The following L2HGDH variants were observed in gnomAD, a reference collection of about 807,000 sequenced individuals.
L2HGDH encodes the protein L-2-hydroxyglutarate dehydrogenase.
L2HGDH carries 34 observed loss-of-function variants against 51.5 expected under a neutral mutation model. That is an observed-to-expected ratio of 0.66 (90% CI 0.50 to 0.88). The LOEUF is 0.88. L2HGDH is among the 40% of genes least tolerant of loss of function. The probability of loss-of-function intolerance (pLI) is 0.00; values close to 1 mark genes in which losing one functional copy is unlikely to be tolerated. For missense variants in L2HGDH, 558 were observed against 571.9 expected, an observed-to-expected ratio of 0.98 and a Z score of 0.25; for synonymous variants, 198 against 197.9, an observed-to-expected ratio of 1.00 and a Z score of -0.01.
intron 6 of L2HGDH, among the ~76,000 whole-genome samples, chr14:50,278,087 C>T (rs1000446339): frequency 6.6e-6 from 1 of 152,150 alleles, no homozygotes; most frequent in African/African-American, 2.4e-5. Flanking sequence ...TGCAGCGAAC[C>T]TACAGGGAAT....
At chr14:50,265,137 G>C (rs1366160368) in intron 9 of L2HGDH, among the ~76,000 whole-genome samples, 1 of 152,170 alleles carries the variant, frequency 6.6e-6, no homozygotes, top group Admixed American at 6.5e-5. Context: ...AGGCAGTCTA[G>C]ATAATTATAA....
In L2HGDH at chr14:50,245,673, T is replaced by C. The variant is rs866041574; in HGVS notation, c.*1385A>G. 9.3e-5 allele frequency: 92 copies of C among 984,358 alleles called. No homozygotes were observed. Among genetic ancestry groups the C allele is most frequent in the Middle Eastern group, 5.2e-4 (1 of 1,914 alleles). The allele number at this position is 984,358 out of a possible 1,614,324, so 61.0% of individuals were successfully genotyped here. On this transcript the variant is annotated 3_prime_UTR_variant, in exon 10 of 10. Transcript: ENST00000267436. ...GAATGTAACCTACAATATAATGTAT[T>C]TTCTTGTCTATGAGAGACCAAACGA... is the stretch of plus-strand genomic sequence containing the variant.
At chr14:50,310,389 C>T (rs1057122971) in intron 1 of L2HGDH, among the ~76,000 whole-genome samples, 1 of 151,986 alleles carries the variant, frequency 6.6e-6, no homozygotes, top group Non-Finnish European at 1.5e-5. Context: ...TTTGCAATTT[C>T]CAATGGATCT....
intron 6 of L2HGDH, among the ~76,000 whole-genome samples, chr14:50,270,617 C>A (rs112587872): frequency 3.3e-5 from 5 of 152,268 alleles, no homozygotes; most frequent in African/African-American, 1.2e-4. Context: ...CGCCATTCTC[C>A]TGCCTCAGCC....
intron 5 of L2HGDH, chr14:50,282,572 T>C: frequency 2.2e-6 from 1 of 454,986 alleles, no homozygotes; most frequent in Non-Finnish European, 4.4e-6. Flanking sequence ...AGGTACAGTC[T>C]ATGAGTTGAA....
chr14:50,255,986 G>A (rs1396106145), intron 9 of L2HGDH, among the ~76,000 whole-genome samples: 1 of 152,032 alleles, frequency 6.6e-6, no homozygotes, highest in African/African-American at 2.4e-5. Flanking sequence ...CTGGGTGACA[G>A]AGTGAGACTC....
intron 6 of L2HGDH, among the ~76,000 whole-genome samples, chr14:50,275,255 T>C (rs1595099220): frequency 6.6e-6 from 1 of 152,124 alleles, no homozygotes; most frequent in South Asian, 2.1e-4. Context: ...AGGATGGAGG[T>C]GATCAGCGAC....
intron 4 of L2HGDH, among the ~76,000 whole-genome samples, chr14:50,292,063 C>G (rs1890913663): frequency 6.6e-6 from 1 of 152,002 alleles, no homozygotes; most frequent in Non-Finnish European, 1.5e-5. Context: ...ATGAGAGTAT[C>G]AGAAAACATC....
In L2HGDH at chr14:50,278,505, C is replaced by T. The variant is rs73275195; in HGVS notation, c.738+15G>A. On this transcript the variant is annotated intron_variant, in intron 6 of 9. Transcript: ENST00000267436. ...GGAAAGAAAGTAGCCAGCAGTTTTG[C>T]TTAAGAATCTTTACCTTTGTATTCT... is the stretch of plus-strand genomic sequence containing the variant. 1.4e-3 allele frequency: 2,089 copies of T among 1,468,972 alleles called. 27 individuals carry two copies. In the African/African-American group the frequency reaches 0.024, roughly 17 times the overall value. 91.0% of individuals were successfully genotyped at this position (1,468,972 alleles called of 1,614,324 possible).
intron 4 of L2HGDH, among the ~76,000 whole-genome samples, chr14:50,293,549 A>G (rs376918258): frequency 1.3e-5 from 2 of 152,194 alleles, no homozygotes; most frequent in Non-Finnish European, 2.9e-5. Context: ...ATATGCATAA[A>G]TTGATAACAT....
At chr14:50,273,627 A>C (rs1161324571) in intron 6 of L2HGDH, among the ~76,000 whole-genome samples, 1 of 152,200 alleles carries the variant, frequency 6.6e-6, no homozygotes, top group Non-Finnish European at 1.5e-5. Context: ...ATATCAAACT[A>C]AAAAGCTTCT....
chr14:50,306,337 C>T (rs747415582), intron 1 of L2HGDH, among the ~76,000 whole-genome samples: 1 of 152,134 alleles, frequency 6.6e-6, no homozygotes. Context: ...GTGTGAACCA[C>T]CGTGCCCAGC....
Position 50,267,807 on chromosome 14 carries a change from C to A in L2HGDH, c.1010G>T (p.Gly337Val), listed in dbSNP as rs1007501381. 3 of 1,613,372 alleles carry A rather than the reference C, an allele frequency of 1.9e-6. No individual in the cohort carries two copies. The highest frequency in any genetic ancestry group is 2.2e-5 in the East Asian group (1 of 44,894). The change falls in exon 8 of 10, where the codon GGT (glycine) becomes GTT (valine). Residue 337 changes from glycine to valine, a missense_variant. Physicochemically the swap from Gly to Val is moderately radical, Grantham distance 109 (BLOSUM62 -3). Transcript: ENST00000267436. ...PNAVLAFKRE[G>V]YRPFDFSATD... ...GGCACTGAAGTCAAAGGGTCTGTAA[C>A]CCTCTCGTTTAAAGGCAAGAACTGC...
At chr14:50,309,974 C>A (rs565133522) in intron 1 of L2HGDH, among the ~76,000 whole-genome samples, 1 of 151,958 alleles carries the variant, frequency 6.6e-6, no homozygotes, top group African/African-American at 2.4e-5. Context: ...AGATTATAGG[C>A]ATGAGCCAGC....
At chr14:50,299,613 G>T (rs960031854) in intron 3 of L2HGDH, among the ~76,000 whole-genome samples, 6 of 152,108 alleles carry the variant, frequency 3.9e-5, no homozygotes. Context: ...ACATTAAAAA[G>T]ATCATTCATC....
chr14:50,270,618 T>C (rs1056658462), intron 6 of L2HGDH, among the ~76,000 whole-genome samples: 2 of 152,152 alleles, frequency 1.3e-5, no homozygotes, highest in Non-Finnish European at 1.5e-5. Context: ...GCCATTCTCC[T>C]GCCTCAGCCT....
chr14:50,303,914 C>G (rs1281973375), intron 1 of L2HGDH, among the ~76,000 whole-genome samples: 1 of 150,796 alleles, frequency 6.6e-6, no homozygotes, highest in Non-Finnish European at 1.5e-5. Context: ...CCAATCTGCT[C>G]TTTATCTCCA....
intron 9 of L2HGDH, among the ~76,000 whole-genome samples, chr14:50,257,339 C>G (rs1888727550): frequency 6.6e-6 from 1 of 151,924 alleles, no homozygotes; most frequent in Non-Finnish European, 1.5e-5. Context: ...GTCTAACCAG[C>G]TGTCTAACCT....
rs1270201356 is a variant in L2HGDH at position 50,244,059 on chromosome 14, C to T, written c.*2999G>A. On this transcript the variant is annotated 3_prime_UTR_variant, in exon 10 of 10. Coordinates refer to ENST00000267436, the MANE Select transcript of L2HGDH (RefSeq NM_024884.3). ...AGTATTCCATGGTGTATATGTGCCA[C>T]ATTTTCTTAATCCAGTCTATCGTTG... The T allele has an allele frequency of 2.6e-5, 4 of 151,874 alleles. No individual in the cohort carries two copies. The highest frequency in any genetic ancestry group is 2.1e-4 in the South Asian group (1 of 4,804). 9.4% of individuals were successfully genotyped at this position (151,874 alleles called of 1,614,324 possible).
Sources: allele counts gnomAD v4.1 joint callset (sites outside exome capture counted in the v4.1 genomes callset), GRCh38; gene constraint gnomAD v4.1.1; transcripts MANE v1.5; gene names NCBI Gene and HGNC (gene_info 2026-07-23, HGNC 2026-07-21).